The following GRM3 variants were observed in gnomAD, a reference collection of about 807,000 sequenced individuals.
GRM3 encodes the protein metabotropic glutamate receptor 3.
Under a neutral mutation model 70.5 loss-of-function variants are expected in GRM3, and 26 were observed. The ratio of observed to expected loss-of-function variants is 0.37; its 90% confidence interval spans 0.27 to 0.51. The LOEUF (loss-of-function observed/expected upper bound fraction) is 0.51. Among genes scored for constraint, GRM3 ranks in the 20% least tolerant of loss-of-function variants. The probability of loss-of-function intolerance (pLI) is 0.93; values close to 1 mark genes in which losing one functional copy is unlikely to be tolerated. For missense variants in GRM3, 859 were observed against 1,123.8 expected (o/e 0.76, Z 3.37); for synonymous variants, 443 against 434.9 (o/e 1.02, Z -0.23).
chr7:86,834,937 T>G (rs2116725060), intron 3 of GRM3, among the ~76,000 whole-genome samples: 1 of 152,198 alleles, frequency 6.6e-6, no homozygotes, highest in South Asian at 2.1e-4. Context: ...CTTTCTCTAA[T>G]CATAGAATAA....
At position 86,651,352 on chromosome 7, in the gene GRM3, G is replaced by C. The variant is rs182431952; in HGVS notation, c.-141+6480G>C. On this transcript the variant is annotated intron_variant, in intron 1 of 5. Coordinates refer to ENST00000361669, the MANE Select transcript of GRM3 (RefSeq NM_000840.3). ...CTGGTGGAGGCTGTTTCTTTTGATT[G>C]TTAATAATAGATAGCAGATAGATTA... Among the ~76,000 whole-genome samples the C allele has an allele frequency of 1.2e-4, 18 of 152,258 alleles. No homozygotes were observed. In the East Asian group the frequency reaches 3.5e-3, roughly 29 times the overall value.
intron 3 of GRM3, among the ~76,000 whole-genome samples, chr7:86,810,552 C>T (rs944037424): frequency 6.6e-6 from 1 of 151,918 alleles, no homozygotes; most frequent in African/African-American, 2.4e-5. Context: ...AAAAACATTC[C>T]CTCTATAAGT....
chr7:86,742,162 C>A (rs1796004695), intron 1 of GRM3, among the ~76,000 whole-genome samples: 5 of 152,120 alleles, frequency 3.3e-5, no homozygotes, highest in Admixed American at 2.0e-4. Context: ...GTGCTGCTGG[C>A]TAGTGCATGT....
Position 86,664,683 on chromosome 7 carries a change from C to G in GRM3, c.-141+19811C>G, listed in dbSNP as rs1793980392. 1.3e-5 allele frequency among the ~76,000 whole-genome samples: 2 copies of G among 151,888 alleles called. 1 individual carries two copies. The highest frequency in any genetic ancestry group is 4.1e-4 in the South Asian group (2 of 4,820). On this transcript the variant is annotated intron_variant, in intron 1 of 5. Transcript: ENST00000361669. ...ATGACAGAATTTTCTCTACCCAGTA[C>G]AGCTTGCACAAGGCTGGTGCAAGCA...
At chr7:86,726,785 T>C (rs1248442505) in intron 1 of GRM3, among the ~76,000 whole-genome samples, 2 of 152,216 alleles carry the variant, frequency 1.3e-5, no homozygotes, top group East Asian at 1.9e-4. Flanking sequence ...TGAGAATCTA[T>C]TGCCAATTAA....
intron 5 of GRM3, among the ~76,000 whole-genome samples, chr7:86,851,706 A>C (rs893361481): frequency 2.0e-5 from 3 of 152,140 alleles, no homozygotes; most frequent in African/African-American, 4.8e-5. Flanking sequence ...GTCTGAGAGC[A>C]CATGTTCATG....
At chr7:86,693,886 C>G (rs1794751402) in intron 1 of GRM3, among the ~76,000 whole-genome samples, 1 of 152,156 alleles carries the variant, frequency 6.6e-6, no homozygotes, top group Admixed American at 6.5e-5. Flanking sequence ...AAGAGCACAG[C>G]ATTTAATAAC....
intron 4 of GRM3, 28 bp from the exon 5 acceptor site, chr7:86,850,338 CCAGA>C: frequency 6.5e-7 from 1 of 1,549,982 alleles, no homozygotes; most frequent in Non-Finnish European, 8.9e-7. Context: ...GAATGTACAG[CCAGA>C]CACTTACTAG....
At chr7:86,737,031 A>T (rs1221733362) in intron 1 of GRM3, among the ~76,000 whole-genome samples, 2 of 152,188 alleles carry the variant, frequency 1.3e-5, no homozygotes, top group African/African-American at 4.8e-5. Context: ...AAAGAAAAAA[A>T]AAACATCCAA....
At chr7:86,792,771 G>A (rs746269886) in intron 3 of GRM3, among the ~76,000 whole-genome samples, 1 of 152,146 alleles carries the variant, frequency 6.6e-6, no homozygotes, top group Non-Finnish European at 1.5e-5. Context: ...CAATGTTAGG[G>A]TGTTGCCCTA....
intron 1 of GRM3, among the ~76,000 whole-genome samples, chr7:86,711,021 G>T (rs1795186755): frequency 6.6e-6 from 1 of 151,944 alleles, no homozygotes; most frequent in Non-Finnish European, 1.5e-5. Flanking sequence ...CACTTAACTT[G>T]TAATCCTGGC....
chr7:86,824,321 C>T (rs1798188175), intron 3 of GRM3, among the ~76,000 whole-genome samples: 1 of 152,208 alleles, frequency 6.6e-6, no homozygotes, highest in Admixed American at 6.5e-5. Context: ...AGTATTCCTA[C>T]TTCTTCAAAG....
At chr7:86,740,912 C>G (rs569496042) in intron 1 of GRM3, among the ~76,000 whole-genome samples, 6 of 152,204 alleles carry the variant, frequency 3.9e-5, no homozygotes, top group African/African-American at 1.4e-4. Context: ...GGAGCACGTC[C>G]GCTGAAGATG....
chr7:86,781,062 T>C (rs1443843440), intron 2 of GRM3, among the ~76,000 whole-genome samples: 2 of 152,178 alleles, frequency 1.3e-5, no homozygotes, highest in Non-Finnish European at 1.5e-5. Context: ...CAGTAAGATC[T>C]CTATGCACTC....
chr7:86,850,342 A>G lies in GRM3; in HGVS notation c.2392-28A>G, dbSNP rs756448369. The G allele has an allele frequency of 4.5e-6, 7 of 1,572,228 alleles. No individual in the cohort carries two copies. In the Admixed American group the frequency reaches 6.7e-5, roughly 15 times the overall value. On this transcript the variant is annotated intron_variant, in intron 4 of 5. Coordinates refer to ENST00000361669, the MANE Select transcript of GRM3 (RefSeq NM_000840.3). ...GCCACTTGACTGAATGTACAGCCAG[A>G]CACTTACTAGCCAACCTTCTCTTGT...
intron 1 of GRM3, among the ~76,000 whole-genome samples, chr7:86,713,412 C>A (rs911643930): frequency 4.6e-5 from 7 of 151,962 alleles, no homozygotes; most frequent in Non-Finnish European, 1.0e-4. Flanking sequence ...TAATTGTGTT[C>A]AACTTTCAAC....
intron 5 of GRM3, among the ~76,000 whole-genome samples, chr7:86,861,736 A>G (rs894350473): frequency 2.0e-5 from 3 of 152,248 alleles, no homozygotes; most frequent in Non-Finnish European, 4.4e-5. Flanking sequence ...AAAGGGGGAC[A>G]TGGTCCAAAT....
intron 5 of GRM3, among the ~76,000 whole-genome samples, chr7:86,855,234 T>G (rs1798824890): frequency 6.6e-6 from 1 of 152,118 alleles, no homozygotes; most frequent in South Asian, 2.1e-4. Flanking sequence ...TGCATAATAT[T>G]TAAAGAGACA....
At chr7:86,814,455 ATAT>A (rs1010373013) in intron 3 of GRM3, among the ~76,000 whole-genome samples, 1 of 151,734 alleles carries the variant, frequency 6.6e-6, no homozygotes, top group African/African-American at 2.4e-5. Flanking sequence ...TAGCTCCCAT[ATAT>A]CAATGAGAAC....
Sources: gnomAD v4.1 joint callset for allele counts (sites outside exome capture counted in the v4.1 genomes callset) on GRCh38, gnomAD v4.1.1 for gene constraint, MANE v1.5 for transcripts, NCBI Gene and HGNC (gene_info 2026-07-23, HGNC 2026-07-21) for gene names.